The following SLC38A12 variants were observed in gnomAD, a reference collection of about 807,000 sequenced individuals.
The protein encoded by SLC38A12 is solute carrier family 38 member 12.
the SLC38A12 span, among the ~76,000 whole-genome samples, chr17:74,792,683 A>C: frequency 6.6e-6 from 1 of 152,222 alleles, no homozygotes; most frequent in Non-Finnish European, 1.5e-5. Context: ...TGTAGGAACT[A>C]GAATCTCTTT....
chr17:74,829,021 A>G, the SLC38A12 span, among the ~76,000 whole-genome samples: 1 of 152,242 alleles, frequency 6.6e-6, no homozygotes, highest in African/African-American at 2.4e-5. The surrounding 1 kb of genome is among the most constrained non-coding windows in gnomAD (Gnocchi z 4.1). Flanking sequence ...ACATCTTGAA[A>G]TTCAGTTCAT....
At chr17:74,839,316 C>G in the SLC38A12 span, 26 of 823,464 alleles carry the variant, frequency 3.2e-5, no homozygotes, top group African/African-American at 3.8e-4. Context: ...AGGCCAGAGT[C>G]AGAGTGGTGG....
chr17:74,789,200 T>C, the SLC38A12 span, among the ~76,000 whole-genome samples: 2 of 152,142 alleles, frequency 1.3e-5, no homozygotes, highest in Admixed American at 6.5e-5. Context: ...ATAGCTGTGC[T>C]GAGAGCTTCC....
the SLC38A12 span, among the ~76,000 whole-genome samples, chr17:74,787,340 G>A: frequency 7.1e-6 from 1 of 140,390 alleles, no homozygotes; most frequent in African/African-American, 2.7e-5. Flanking sequence ...AGCAGGAGAT[G>A]GGCCGGGCGC....
chr17:74,833,007 A>G, the SLC38A12 span, among the ~76,000 whole-genome samples: 8 of 145,570 alleles, frequency 5.5e-5, no homozygotes, highest in Non-Finnish European at 6.1e-5. Context: ...TTAATCACCC[A>G]TATCCGTGGC....
the SLC38A12 span, chr17:74,790,415 C>G: frequency 3.4e-6 from 3 of 880,622 alleles, no homozygotes; most frequent in Non-Finnish European, 5.6e-6. Context: ...CCCCTGGGTT[C>G]TGAGGCAGGC....
the SLC38A12 span, chr17:74,794,928 AT>A: frequency 8.9e-7 from 1 of 1,118,888 alleles, no homozygotes; most frequent in Non-Finnish European, 1.3e-6. Flanking sequence ...AGAGGTAGAG[AT>A]TTAGTCAAAA....
chr17:74,786,966 T>C, the SLC38A12 span, among the ~76,000 whole-genome samples: 14 of 152,200 alleles, frequency 9.2e-5, no homozygotes, highest in African/African-American at 3.1e-4. Context: ...TCAACCCATT[T>C]GTGTTTGAAC....
the SLC38A12 span, chr17:74,795,171 G>A: frequency 2.1e-6 from 3 of 1,398,778 alleles, no homozygotes; most frequent in South Asian, 2.3e-5. Flanking sequence ...CAGCAAGTCA[G>A]GGCAGAGTGT....
At chr17:74,784,312 T>G in the SLC38A12 span, among the ~76,000 whole-genome samples, 1 of 152,120 alleles carries the variant, frequency 6.6e-6, no homozygotes, top group Non-Finnish European at 1.5e-5. Flanking sequence ...ACTGCACCAG[T>G]CCAGGCCGGA....
the SLC38A12 span, among the ~76,000 whole-genome samples, chr17:74,793,938 C>T: frequency 2.0e-5 from 3 of 152,156 alleles, no homozygotes; most frequent in Non-Finnish European, 4.4e-5. Context: ...CTAGGCTTTC[C>T]GTTGGGTACC....
At chr17:74,801,149 G>A in the SLC38A12 span, among the ~76,000 whole-genome samples, 2 of 152,184 alleles carry the variant, frequency 1.3e-5, no homozygotes, top group African/African-American at 2.4e-5. Context: ...GGGGTGACCC[G>A]GGAAGCCCAT....
At chr17:74,823,931 G>C in the SLC38A12 span, among the ~76,000 whole-genome samples, 1 of 152,282 alleles carries the variant, frequency 6.6e-6, no homozygotes, top group Non-Finnish European at 1.5e-5. Flanking sequence ...CCTTGAATGG[G>C]GCCGTGTTGT....
the SLC38A12 span, among the ~76,000 whole-genome samples, chr17:74,834,975 C>T: frequency 6.6e-6 from 1 of 152,224 alleles, no homozygotes; most frequent in Non-Finnish European, 1.5e-5. Context: ...AGCCCCTTGT[C>T]CCTGCGGTGC....
At chr17:74,817,321 C>T in the SLC38A12 span, among the ~76,000 whole-genome samples, 1 of 152,136 alleles carries the variant, frequency 6.6e-6, no homozygotes, top group Admixed American at 6.5e-5. Context: ...GGTCTGTACT[C>T]CTGAGCATGA....
chr17:74,796,034 T>C, the SLC38A12 span, among the ~76,000 whole-genome samples: 1 of 152,204 alleles, frequency 6.6e-6, no homozygotes, highest in Admixed American at 6.5e-5. Context: ...GGTTCGATGC[T>C]GGGTCTGGCC....
the SLC38A12 span, chr17:74,791,152 G>C: frequency 6.9e-6 from 6 of 865,262 alleles, no homozygotes; most frequent in South Asian, 1.6e-5. Context: ...GGCAGAGCAG[G>C]TGGTAGAGCT....
the SLC38A12 span, among the ~76,000 whole-genome samples, chr17:74,820,153 A>G: frequency 0.019 from 2,943 of 152,346 alleles, 86 homozygotes; most frequent in African/African-American, 0.067. Context: ...TCATACAACC[A>G]TGCTGGGTGC....
chr17:74,784,304 T>G, the SLC38A12 span, among the ~76,000 whole-genome samples: 1 of 152,190 alleles, frequency 6.6e-6, no homozygotes, highest in Non-Finnish European at 1.5e-5. Context: ...AGGAGTCTAC[T>G]GCACCAGTCC....
Sources: allele counts gnomAD v4.1 joint callset (sites outside exome capture counted in the v4.1 genomes callset), GRCh38; gene constraint gnomAD v4.1.1; non-coding constraint Gnocchi (gnomAD v3.1); transcripts MANE v1.5; gene names NCBI Gene and HGNC (gene_info 2026-07-23, HGNC 2026-07-21).